Variants in IGSF21 observed in about 807,000 individuals in gnomAD.
IGSF21 encodes the protein immunoglobin superfamily member 21.
A neutral mutation model predicts 46.8 loss-of-function variants in IGSF21; 28 were observed. That is an observed-to-expected ratio of 0.60 (90% confidence interval 0.44 to 0.82). The LOEUF (loss-of-function observed/expected upper bound fraction) is 0.82. Among genes scored for constraint, IGSF21 ranks in the 40% least tolerant of loss-of-function variants. IGSF21 has a pLI of 0.00. For missense variants in IGSF21, 624 were observed against 665.5 expected (o/e 0.94, Z 0.69); for synonymous variants, 284 against 273.6 (o/e 1.04, Z -0.38).
chr1:18,116,212 C>T (rs966516117), intron 1 of IGSF21, among the ~76,000 whole-genome samples: 17 of 152,154 alleles, frequency 1.1e-4, no homozygotes, highest in South Asian at 2.1e-4. Context: ...CAATGGAAAT[C>T]GGCAAACTAT....
intron 4 of IGSF21, among the ~76,000 whole-genome samples, chr1:18,347,092 C>T (rs573197367): frequency 1.9e-4 from 29 of 152,272 alleles, no homozygotes; most frequent in African/African-American, 6.3e-4. Context: ...CTAGCAAGAA[C>T]GGTCACTTCC....
intron 1 of IGSF21, among the ~76,000 whole-genome samples, chr1:18,221,747 C>T (rs1320212143): frequency 2.0e-5 from 3 of 152,112 alleles, no homozygotes; most frequent in Non-Finnish European, 2.9e-5. Flanking sequence ...GCTCACACAT[C>T]GAGGCTGATT....
chr1:18,143,744 G>A (rs954958402), intron 1 of IGSF21, among the ~76,000 whole-genome samples: 21 of 152,146 alleles, frequency 1.4e-4, no homozygotes, highest in South Asian at 2.1e-4. Flanking sequence ...TGGTAGGCCC[G>A]TGCCTTCCCT....
chr1:18,219,739 C>A (rs2084488410), intron 1 of IGSF21, among the ~76,000 whole-genome samples: 1 of 152,080 alleles, frequency 6.6e-6, no homozygotes, highest in South Asian at 2.1e-4. Context: ...TGGAGACAAC[C>A]AAGAGGTGCA....
intron 3 of IGSF21, among the ~76,000 whole-genome samples, chr1:18,315,127 G>A (rs906460216): frequency 6.6e-6 from 1 of 152,142 alleles, no homozygotes; most frequent in African/African-American, 2.4e-5. Context: ...GCGGGGATAG[G>A]AGAGGATCTC....
chr1:18,147,844 C>T (rs568369619), intron 1 of IGSF21, among the ~76,000 whole-genome samples: 1 of 152,218 alleles, frequency 6.6e-6, no homozygotes, highest in East Asian at 1.9e-4. Flanking sequence ...AATTGTAGCT[C>T]CCATAATTCC....
chr1:18,295,415 C>T (rs1050685531), intron 3 of IGSF21, among the ~76,000 whole-genome samples: 1 of 152,196 alleles, frequency 6.6e-6, no homozygotes, highest in African/African-American at 2.4e-5. Context: ...GCTTTGCAAT[C>T]TAGTCGGAGA....
At chr1:18,252,055 T>TTG (rs1553157861) in intron 2 of IGSF21, among the ~76,000 whole-genome samples, 1 of 135,606 alleles carries the variant, frequency 7.4e-6, no homozygotes, top group Non-Finnish European at 1.6e-5. Context: ...GTTTTTTTTT[T>TTG]TTTTTTTTTT....
chr1:18,229,827 A>G (rs1436709538), intron 2 of IGSF21, among the ~76,000 whole-genome samples: 1 of 152,258 alleles, frequency 6.6e-6, no homozygotes, highest in Non-Finnish European at 1.5e-5. Context: ...AGCACCTGGC[A>G]GAAGGACAGG....
chr1:18,175,562 C>T (rs901410348), intron 1 of IGSF21, among the ~76,000 whole-genome samples: 4 of 152,146 alleles, frequency 2.6e-5, no homozygotes, highest in African/African-American at 9.7e-5. Context: ...TCTGGAACCT[C>T]CTTGTCCCTT....
chr1:18,128,788 CTG>C (rs10534606), intron 1 of IGSF21, among the ~76,000 whole-genome samples: 34,017 of 149,528 alleles, frequency 0.23, 3,849 homozygotes, highest in Non-Finnish European at 0.23. Context: ...TGCTCATTCG[CTG>C]TGTGTGTGTG....
At chr1:18,288,401 C>A (rs1054527082) in intron 2 of IGSF21, among the ~76,000 whole-genome samples, 2 of 152,208 alleles carry the variant, frequency 1.3e-5, no homozygotes, top group Non-Finnish European at 2.9e-5. Flanking sequence ...ATCTTACTGA[C>A]TCTGGAACCT....
At chr1:18,121,152 T>A (rs1268799043) in intron 1 of IGSF21, among the ~76,000 whole-genome samples, 1 of 152,150 alleles carries the variant, frequency 6.6e-6, no homozygotes, top group African/African-American at 2.4e-5. Context: ...CAGCTACTCC[T>A]GCCAGAGGCT....
intron 3 of IGSF21, among the ~76,000 whole-genome samples, chr1:18,302,090 A>G (rs586433): frequency 0.023 from 3,418 of 151,834 alleles, 108 homozygotes; most frequent in African/African-American, 0.063. Context: ...CCATACCGGC[A>G]TTGACCTCTC....
chr1:18,301,879 T>C (rs578066447), intron 3 of IGSF21, among the ~76,000 whole-genome samples: 1 of 152,322 alleles, frequency 6.6e-6, no homozygotes, highest in East Asian at 1.9e-4. Flanking sequence ...ATGCCTACTC[T>C]TGGCTCTGGG....
chr1:18,241,938 C>T (rs546048302), intron 2 of IGSF21, among the ~76,000 whole-genome samples: 1 of 152,312 alleles, frequency 6.6e-6, no homozygotes, highest in Admixed American at 6.5e-5. Flanking sequence ...TCACTCTAAG[C>T]TGATGGAGTG....
intron 2 of IGSF21, among the ~76,000 whole-genome samples, chr1:18,229,149 C>G (rs987396259): frequency 6.6e-6 from 1 of 152,138 alleles, no homozygotes; most frequent in Non-Finnish European, 1.5e-5. Context: ...CTTTGTTGCC[C>G]TTTCTTCAAA....
chr1:18,205,129 A>G (rs565089990), intron 1 of IGSF21, among the ~76,000 whole-genome samples: 2 of 149,068 alleles, frequency 1.3e-5, no homozygotes, highest in East Asian at 4.0e-4. Context: ...GAGAGAAGAA[A>G]GATAAGAAGG....
chr1:18,316,048 A>G (rs1041096917), intron 3 of IGSF21, among the ~76,000 whole-genome samples: 1 of 151,966 alleles, frequency 6.6e-6, no homozygotes, highest in African/African-American at 2.4e-5. Context: ...TTCCCGCTTG[A>G]CTCTCAAGCT....
Sources: allele counts gnomAD v4.1 joint callset (sites outside exome capture counted in the v4.1 genomes callset), GRCh38; gene constraint gnomAD v4.1.1; transcripts MANE v1.5; gene names NCBI Gene and HGNC (gene_info 2026-07-23, HGNC 2026-07-21).